GPR55: variants seen among roughly 807,000 people sequenced by gnomAD.
GPR55 encodes G protein-coupled receptor 55, also known as G-protein coupled receptor 55.
A neutral mutation model predicts 7.9 loss-of-function variants in GPR55; 6 were observed. That is an observed-to-expected ratio of 0.76 (90% CI 0.41 to 1.49). The LOEUF is 1.49. Among genes scored for constraint, GPR55 ranks in the 40% most tolerant of loss-of-function variants. GPR55 has a pLI of 0.01. For synonymous variants in GPR55, 183 were observed against 166.8 expected (o/e 1.10, Z -0.75); for missense variants, 376 against 406.0 (o/e 0.93, Z 0.63).
In GPR55 at chr2:230,914,554, A is replaced by C. The variant is rs897550246; in HGVS notation, c.-134-3458T>G. 3.5e-5 allele frequency among the ~76,000 whole-genome samples: 3 copies of C among 84,800 alleles called. No individual in the cohort carries two copies. In the African/African-American group the frequency reaches 6.6e-4, roughly 19 times the overall value. 55.6% of individuals were successfully genotyped at this position (84,800 alleles called of 152,430 possible). A position where few individuals can be genotyped will look rare whatever the true frequency, so the allele number is the denominator to read the frequency against. ...TCAGAAGCCTCACTGTAGTAAGATAAAAAAAAGGCATCAATGCACTCCAAA... is the reference window on the plus strand; with the variant it reads ...TCAGAAGCCTCACTGTAGTAAGATACAAAAAAGGCATCAATGCACTCCAAA... On this transcript the variant is annotated intron_variant, in intron 1 of 1. Coordinates refer to ENST00000650999, the MANE Select transcript of GPR55 (RefSeq NM_005683.4).
At position 230,923,485 on chromosome 2, in the gene GPR55, G is replaced by A. The variant is rs551092250; in HGVS notation, c.-135+1683C>T. ...CACCATAGTGTGAATAAAGTCATCC[G>A]CCTGTGCCTGAGCTGGGCTTCTGGG... On this transcript the variant is annotated intron_variant, in intron 1 of 1. Transcript: ENST00000650999. The surrounding 1 kb of genome is among the most constrained non-coding windows in gnomAD (Gnocchi z 4.1). Among the ~76,000 whole-genome samples, 14 of 152,308 alleles carry A rather than the reference G, an allele frequency of 9.2e-5. No individual in the cohort carries two copies. In the South Asian group the frequency reaches 2.1e-3, roughly 23 times the overall value.
chr2:230,951,496 G>T (rs1691403488), intron 1 of GPR55, among the ~76,000 whole-genome samples: 1 of 152,154 alleles, frequency 6.6e-6, no homozygotes, highest in African/African-American at 2.4e-5. Flanking sequence ...TTATTAGATG[G>T]CAATGCTTAG....
chr2:230,956,492 A>T (rs1264862006), intron 1 of GPR55, among the ~76,000 whole-genome samples: 2 of 152,144 alleles, frequency 1.3e-5, no homozygotes, highest in East Asian at 3.8e-4. Context: ...TTAAATATCA[A>T]ACTTGCAGAA....
chr2:230,958,479 G>A (rs111972585), intron 1 of GPR55, among the ~76,000 whole-genome samples: 16,514 of 151,922 alleles, frequency 0.11, 1,755 homozygotes, highest in African/African-American at 0.28. Flanking sequence ...TCAAAAGTAG[G>A]TCTTATTCAT....
chr2:230,921,925 C>T (rs1172741801), intron 1 of GPR55, among the ~76,000 whole-genome samples: 1 of 152,196 alleles, frequency 6.6e-6, no homozygotes, highest in Non-Finnish European at 1.5e-5. Flanking sequence ...ACGTGTTCCA[C>T]CATAAGACTT....
intron 1 of GPR55, among the ~76,000 whole-genome samples, chr2:230,939,765 T>A (rs945014218): frequency 2.6e-5 from 4 of 151,882 alleles, no homozygotes. Flanking sequence ...GAGGAGATAG[T>A]GTGGAAGTTG....
Position 230,954,244 on chromosome 2 carries a change from T to A in GPR55, c.-135+6531A>T, listed in dbSNP as rs141571588. Among the ~76,000 whole-genome samples, 60 of 152,332 alleles carry A rather than the reference T, an allele frequency of 3.9e-4. 1 individual carries two copies. The East Asian group carries it at 6.9e-3, about 18-fold the overall frequency. On this transcript the variant is annotated intron_variant, in intron 1 of 1. Coordinates refer to the GPR55 transcript ENST00000392039. Reference sequence around the variant, plus strand: ...CTCCTTGCCCCTTCCCCTGACACAGTGTAGATGGCACTGCCAACACCCCAT... The same window carrying A: ...CTCCTTGCCCCTTCCCCTGACACAGAGTAGATGGCACTGCCAACACCCCAT...
chr2:230,934,153 A>G (rs887649815), intron 1 of GPR55, among the ~76,000 whole-genome samples: 6 of 151,994 alleles, frequency 3.9e-5, no homozygotes, highest in Non-Finnish European at 5.9e-5. Context: ...TTATTTGGAG[A>G]GACCCCTCCC....
Position 230,909,639 on chromosome 2 carries a change from C to A in GPR55, c.*364G>T. ...TCCTTTACCTCTTTTCTCTCTCTCT[C>A]TTTCTTTCCAGAACCTCCCAGTCGA... On this transcript the variant is annotated 3_prime_UTR_variant, in exon 2 of 2. Transcript: ENST00000650999. The A allele has an allele frequency of 4.6e-6, 1 of 219,520 alleles. No homozygotes were observed. The highest frequency in any genetic ancestry group is 9.1e-6 in the Non-Finnish European group (1 of 110,064). 13.6% of individuals were successfully genotyped at this position (219,520 alleles called of 1,614,324 possible). A position where few individuals can be genotyped will look rare whatever the true frequency, so the allele number is the denominator to read the frequency against.
chr2:230,942,847 G>A (rs1691255160), intron 1 of GPR55, among the ~76,000 whole-genome samples: 1 of 152,064 alleles, frequency 6.6e-6, no homozygotes, highest in Admixed American at 6.5e-5. Context: ...AGACACGGAA[G>A]GGGCAGGAGA....
intron 1 of GPR55, among the ~76,000 whole-genome samples, chr2:230,935,856 C>T (rs909979490): frequency 5.3e-5 from 8 of 152,182 alleles, no homozygotes; most frequent in African/African-American, 1.9e-4. Flanking sequence ...CTGAAGTGCT[C>T]CAATGAGCAT....
chr2:230,938,085 T>C (rs1691161169), intron 1 of GPR55, among the ~76,000 whole-genome samples: 1 of 136,828 alleles, frequency 7.3e-6, no homozygotes, highest in Middle Eastern at 4.1e-3. Context: ...AGATTGAGGC[T>C]GCAGTGAGCC....
intron 1 of GPR55, among the ~76,000 whole-genome samples, chr2:230,949,178 C>T (rs200446263): frequency 1.1e-3 from 138 of 122,584 alleles, no homozygotes; most frequent in Non-Finnish European, 2.1e-3. Flanking sequence ...TGTTTGTTTT[C>T]TTTGAGACGG....
intron 1 of GPR55, among the ~76,000 whole-genome samples, chr2:230,948,336 G>A (rs1027472365): frequency 1.3e-5 from 2 of 152,114 alleles, no homozygotes; most frequent in Non-Finnish European, 2.9e-5. Flanking sequence ...CTGGGTCTGG[G>A]TGGCTGCTCT....
chr2:230,938,670 G>C (rs113151865), intron 1 of GPR55, among the ~76,000 whole-genome samples: 22 of 152,334 alleles, frequency 1.4e-4, no homozygotes, highest in African/African-American at 4.8e-4. Flanking sequence ...CTGGAGGCTG[G>C]AGCAGCGGGC....
At chr2:230,951,314 C>T (rs1446594669) in intron 1 of GPR55, among the ~76,000 whole-genome samples, 1 of 152,084 alleles carries the variant, frequency 6.6e-6, no homozygotes, top group East Asian at 1.9e-4. Flanking sequence ...CACATCTGGT[C>T]CCAGAATTCT....
At chr2:230,942,667 T>C (rs1691251744) in intron 1 of GPR55, among the ~76,000 whole-genome samples, 1 of 151,806 alleles carries the variant, frequency 6.6e-6, no homozygotes, top group African/African-American at 2.4e-5. Context: ...GGGAAGGGAC[T>C]TCAGGGGGCT....
At chr2:230,913,510 T>A (rs754558838) in intron 1 of GPR55, among the ~76,000 whole-genome samples, 2 of 152,234 alleles carry the variant, frequency 1.3e-5, no homozygotes, top group Non-Finnish European at 2.9e-5. Context: ...GTTTCCAATG[T>A]GTTAACTTTT....
intron 1 of GPR55, among the ~76,000 whole-genome samples, chr2:230,918,441 A>G (rs761508610): frequency 6.6e-6 from 1 of 152,240 alleles, no homozygotes; most frequent in Non-Finnish European, 1.5e-5. Flanking sequence ...ACCAATAACC[A>G]TAAAAGAAAC....
Sources: allele counts gnomAD v4.1 joint callset (sites outside exome capture counted in the v4.1 genomes callset), GRCh38; gene constraint gnomAD v4.1.1; non-coding constraint Gnocchi (gnomAD v3.1); transcripts MANE v1.5; gene names NCBI Gene and HGNC (gene_info 2026-07-23, HGNC 2026-07-21).